The following ATG7 variants were observed in gnomAD, a reference collection of about 807,000 sequenced individuals.
ATG7 encodes the protein autophagy related 7.
In ATG7, 70 loss-of-function variants were observed where a neutral mutation model predicts 82.4. The ratio of observed to expected loss-of-function variants is 0.85; its 90% confidence interval spans 0.70 to 1.04. The LOEUF (loss-of-function observed/expected upper bound fraction) is 1.04. ATG7 is among the 50% of genes least tolerant of loss of function. The pLI is 0.00. For synonymous variants in ATG7, 287 were observed against 313.0 expected, an observed-to-expected ratio of 0.92 and a Z score of 0.88; for missense variants, 792 against 864.3, an observed-to-expected ratio of 0.92 and a Z score of 1.05.
chr3:11,358,445 C>G lies in ATG7; in HGVS notation c.1312C>G (p.Pro438Ala). The change falls in exon 15 of 21, where the codon CCT becomes GCT. Residue 438 changes from proline (P) to alanine (A), a missense_variant. By Grantham distance (27) the Pro-to-Ala change is conservative. Coordinates refer to ENST00000693202, the MANE Select transcript of ATG7 (RefSeq NM_001349232.2). Reference sequence around the variant, plus strand: ...TGCCAGAGGATTCAACATGAGCATACCTATGCCTGGGCATCCAGTGAACTT... The same window carrying G: ...TGCCAGAGGATTCAACATGAGCATAGCTATGCCTGGGCATCCAGTGAACTT... Reference protein sequence around the residue: ...VNARGFNMSIPMPGHPVNFSS... With the variant: ...VNARGFNMSIAMPGHPVNFSS... 3 of 1,613,894 alleles carry G rather than the reference C, an allele frequency of 1.9e-6. No individual in the cohort carries two copies. Among genetic ancestry groups the G allele is most frequent in the Non-Finnish European group, 2.5e-6 (3 of 1,179,900 alleles).
chr3:11,533,116 A>G (rs1198190528), intron 20 of ATG7, among the ~76,000 whole-genome samples: 1 of 152,196 alleles, frequency 6.6e-6, no homozygotes, highest in East Asian at 1.9e-4. Flanking sequence ...TGGAGGGTTC[A>G]GTGGGCAGTG....
Position 11,556,653 on chromosome 3 carries a change from A to G in ATG7, c.*1810A>G, listed in dbSNP as rs2072446142. The G allele has an allele frequency of 6.5e-6, 1 of 152,736 alleles. No individual in the cohort carries two copies. Among genetic ancestry groups the G allele is most frequent in the Non-Finnish European group, 1.5e-5 (1 of 68,044 alleles). The allele number at this position is 152,736 out of a possible 1,614,324, so 9.5% of individuals were successfully genotyped here. A position where few individuals can be genotyped will look rare whatever the true frequency, so the allele number is the denominator to read the frequency against. On this transcript the variant is annotated 3_prime_UTR_variant, in exon 21 of 21. Transcript: ENST00000693202. ...ACAACAAAAAAAATGAATGATTACA[A>G]TAGGAAAGGGAAAAATTAAATAGCT... is the stretch of plus-strand genomic sequence containing the variant.
chr3:11,503,360 A>T (rs1420419308), intron 20 of ATG7, among the ~76,000 whole-genome samples: 1 of 152,250 alleles, frequency 6.6e-6, no homozygotes, highest in Non-Finnish European at 1.5e-5. Flanking sequence ...AAAAAATTCT[A>T]CTATCATTTA....
intron 20 of ATG7, chr3:11,529,529 A>T (rs577824082): frequency 6.5e-6 from 1 of 154,520 alleles, no homozygotes; most frequent in South Asian, 2.1e-4. Context: ...GCTGGTAGTC[A>T]GATGAGGTCA....
the ATG7 span, among the ~76,000 whole-genome samples, chr3:11,565,761 C>G: frequency 0.51 from 77,229 of 152,070 alleles, 22,232 homozygotes; most frequent in Non-Finnish European, 0.67. The surrounding 1 kb of genome is among the most constrained non-coding windows in gnomAD (Gnocchi z 4.1). Flanking sequence ...CCAGGTGAGA[C>G]AGTCAGCACC....
chr3:11,374,379 A>T (rs961223860), intron 18 of ATG7, among the ~76,000 whole-genome samples: 5 of 152,248 alleles, frequency 3.3e-5, no homozygotes, highest in African/African-American at 4.8e-5. Context: ...AGCATTCCAC[A>T]TGCAAAAGAA....
chr3:11,556,171 C>CAGAG lies in ATG7; in HGVS notation c.*1330_*1333dup, dbSNP rs1422063408. ...TTCTTCTTCCAGGAAAAACAGGCCA[C>CAGAG]AGAGAATGGTATATTACAGATTTAC... On this transcript the variant is annotated 3_prime_UTR_variant, in exon 21 of 21. Coordinates refer to ENST00000693202, the MANE Select transcript of ATG7 (RefSeq NM_001349232.2). 2 of 152,500 alleles carry CAGAG rather than the reference C, an allele frequency of 1.3e-5. No homozygotes were observed. The highest frequency in any genetic ancestry group is 2.4e-5 in the African/African-American group (1 of 41,372). 9.4% of individuals were successfully genotyped at this position (152,500 alleles called of 1,614,324 possible).
intron 1 of ATG7, among the ~76,000 whole-genome samples, chr3:11,280,668 C>T (rs1363071440): frequency 6.6e-6 from 1 of 152,090 alleles, no homozygotes; most frequent in African/African-American, 2.4e-5. Flanking sequence ...CCTGTTTCTT[C>T]TTTTGTCATG....
At chr3:11,567,736 C>G in the ATG7 span, among the ~76,000 whole-genome samples, 3 of 152,202 alleles carry the variant, frequency 2.0e-5, no homozygotes, top group Non-Finnish European at 2.9e-5. Flanking sequence ...CTGGCTTCTA[C>G]CTAAACGGGA....
rs1575331346 is a variant in ATG7 at position 11,557,177 on chromosome 3, C to A, written c.*2334C>A. The A allele has an allele frequency of 6.5e-6, 1 of 152,852 alleles. No individual in the cohort carries two copies. The highest frequency in any genetic ancestry group is 1.9e-4 in the East Asian group (1 of 5,302). 9.5% of individuals were successfully genotyped at this position (152,852 alleles called of 1,614,324 possible). ...GACCAAAAAGGAGCAGCTGTGACCT[C>A]CACAGCTGTGTCTGTCATGCTTGCT... On this transcript the variant is annotated 3_prime_UTR_variant, in exon 21 of 21. Coordinates refer to ENST00000693202, the MANE Select transcript of ATG7 (RefSeq NM_001349232.2).
Position 11,422,769 on chromosome 3 carries a change from T to TTTTTTTTTTTTTG in ATG7, c.1957-4035_1957-4034insTTTTTTTTTTTTG, listed in dbSNP as rs1386943052. On this transcript the variant is annotated intron_variant, in intron 19 of 20. Transcript: ENST00000693202. Reference sequence around the variant, plus strand: ...TTTTTTTTTTTTTTTTTTTTTTTTTTGGAGACAGAGTCTCACTCCGTTGCC... The same window carrying TTTTTTTTTTTTTG: ...TTTTTTTTTTTTTTTTTTTTTTTTTTTTTTTTTTTTTTGGGAGACAGAGTCTCACTCCGTTGCC... 1.8e-4 allele frequency among the ~76,000 whole-genome samples: 18 copies of TTTTTTTTTTTTTG among 102,696 alleles called. 1 individual carries two copies. Among genetic ancestry groups the TTTTTTTTTTTTTG allele is most frequent in the African/African-American group, 6.3e-4 (16 of 25,270 alleles). The allele number at this position is 102,696 out of a possible 152,430, so 67.4% of individuals were successfully genotyped here.
intron 20 of ATG7, chr3:11,446,437 C>A: frequency 5.0e-6 from 2 of 398,490 alleles, no homozygotes; most frequent in Non-Finnish European, 9.7e-6. Flanking sequence ...GGAGGAGACT[C>A]CTTAATTTAG....
chr3:11,559,416 G>A (rs866158596), downstream of ATG7: 2 of 1,563,996 alleles, frequency 1.3e-6, no homozygotes, highest in Non-Finnish European at 1.7e-6. Flanking sequence ...TTGCAGTTGC[G>A]GGCGCCAGCC....
intron 18 of ATG7, among the ~76,000 whole-genome samples, chr3:11,378,083 A>C (rs2077568071): frequency 8.2e-6 from 1 of 121,402 alleles, no homozygotes. Flanking sequence ...GCTGGATCTC[A>C]GCTCACTGCA....
intron 11 of ATG7, among the ~76,000 whole-genome samples, chr3:11,339,096 A>G (rs1185117630): frequency 6.6e-6 from 1 of 152,082 alleles, no homozygotes; most frequent in Non-Finnish European, 1.5e-5. Flanking sequence ...GGAGATCAAG[A>G]CCATCCTGGC....
intron 20 of ATG7, among the ~76,000 whole-genome samples, chr3:11,467,685 T>C (rs60798834): frequency 0.012 from 1,811 of 152,312 alleles, 34 homozygotes; most frequent in African/African-American, 0.041. Flanking sequence ...CCTATTTTTT[T>C]ATTCCTTTGT....
At position 11,296,067 on chromosome 3, in the gene ATG7, C is replaced by T. The variant is rs4684770; in HGVS notation, c.-10-2619C>T. Among the ~76,000 whole-genome samples, 20 of 152,292 alleles carry T rather than the reference C, an allele frequency of 1.3e-4. 1 individual carries two copies. Among genetic ancestry groups the T allele is most frequent in the Admixed American group, 1.0e-3 (16 of 15,300 alleles). ...TGCTGGGATTACAGGCATGAGCCAC[C>T]GCGCCTGGCCTACTGGTTCTATTTC... On this transcript the variant is annotated intron_variant, in intron 3 of 20. Coordinates refer to ENST00000693202, the MANE Select transcript of ATG7 (RefSeq NM_001349232.2).
intron 20 of ATG7, among the ~76,000 whole-genome samples, chr3:11,445,771 T>C (rs1197580581): frequency 6.6e-6 from 1 of 152,204 alleles, no homozygotes; most frequent in Non-Finnish European, 1.5e-5. Context: ...ACCAGTAGTA[T>C]ATGGTAGTTT....
At chr3:11,339,253 G>A (rs1254758925) in intron 11 of ATG7, among the ~76,000 whole-genome samples, 4 of 137,876 alleles carry the variant, frequency 2.9e-5, no homozygotes, top group Admixed American at 1.7e-4. Context: ...CCAAAATCGC[G>A]CCACTGCACT....
Sources: allele counts gnomAD v4.1 joint callset (sites outside exome capture counted in the v4.1 genomes callset), GRCh38; gene constraint gnomAD v4.1.1; non-coding constraint Gnocchi (gnomAD v3.1); transcripts MANE v1.5; gene names NCBI Gene and HGNC (gene_info 2026-07-23, HGNC 2026-07-21).